The following ST8SIA4 variants were observed in gnomAD, a reference collection of about 807,000 sequenced individuals.
ST8SIA4 encodes CMP-N-acetylneuraminate-poly-alpha-2,8-sialyltransferase.
Under a neutral mutation model 33.9 loss-of-function variants are expected in ST8SIA4, and 15 were observed. The ratio of observed to expected loss-of-function variants is 0.44; its 90% CI spans 0.30 to 0.68. The LOEUF (loss-of-function observed/expected upper bound fraction) is 0.68, where lower values mean the gene tolerates loss of function less well. Among genes scored for constraint, ST8SIA4 ranks in the 30% least tolerant of loss-of-function variants. The pLI is 0.10. For missense variants in ST8SIA4, 321 were observed against 428.0 expected (o/e 0.75, Z 2.21); for synonymous variants, 171 against 151.2 (o/e 1.13, Z -0.96).
At chr5:100,840,194 T>A (rs958328852) in intron 4 of ST8SIA4, among the ~76,000 whole-genome samples, 6 of 151,780 alleles carry the variant, frequency 4.0e-5, no homozygotes, top group African/African-American at 1.4e-4. Context: ...ATAAATTTCC[T>A]TTCACCCTTT....
chr5:100,903,187 T>A lies in ST8SIA4; in HGVS notation c.-232A>T. The A allele has an allele frequency of 1.8e-6, 1 of 545,016 alleles. No homozygotes were observed. Among genetic ancestry groups the A allele is most frequent in the East Asian group, 3.2e-5 (1 of 31,744 alleles). The allele number at this position is 545,016 out of a possible 1,614,324, so 33.8% of individuals were successfully genotyped here. A position where few individuals can be genotyped will look rare whatever the true frequency, so the allele number is the denominator to read the frequency against. ...TTTGCGCCAGCTCTGCCAGGGTCGC[T>A]CCGCGCCGCCTCCCTGGGGCTCAGG... On this transcript the variant is annotated 5_prime_UTR_variant, in exon 1 of 5. Transcript: ENST00000231461.
intron 3 of ST8SIA4, among the ~76,000 whole-genome samples, chr5:100,866,641 A>G (rs971100924): frequency 2.0e-5 from 3 of 152,024 alleles, no homozygotes; most frequent in Admixed American, 6.5e-5. Context: ...GTTTACACAC[A>G]CATATACATA....
intron 3 of ST8SIA4, among the ~76,000 whole-genome samples, chr5:100,872,325 T>G (rs981348485): frequency 6.6e-6 from 1 of 152,092 alleles, no homozygotes; most frequent in Non-Finnish European, 1.5e-5. Context: ...TTTTTTTCAT[T>G]TCTTTCTGGT....
At chr5:100,894,281 C>T (rs538836411) in intron 2 of ST8SIA4, among the ~76,000 whole-genome samples, 40 of 152,158 alleles carry the variant, frequency 2.6e-4, no homozygotes, top group African/African-American at 8.4e-4. Flanking sequence ...TATTTTAAAG[C>T]CTCCTGGTTT....
At chr5:100,866,594 AC>A (rs1752065871) in intron 3 of ST8SIA4, among the ~76,000 whole-genome samples, 1 of 151,802 alleles carries the variant, frequency 6.6e-6, no homozygotes, top group Non-Finnish European at 1.5e-5. Flanking sequence ...ACACACACAC[AC>A]ACACACACAC....
At chr5:100,852,606 C>G (rs186720517) in intron 4 of ST8SIA4, among the ~76,000 whole-genome samples, 2 of 152,258 alleles carry the variant, frequency 1.3e-5, no homozygotes, top group African/African-American at 2.4e-5. Flanking sequence ...TTAGATTACT[C>G]TCTTACTATT....
At chr5:100,871,663 A>G (rs1439493786) in intron 3 of ST8SIA4, among the ~76,000 whole-genome samples, 2 of 152,204 alleles carry the variant, frequency 1.3e-5, no homozygotes, top group African/African-American at 2.4e-5. Flanking sequence ...CCTTTTAGCC[A>G]TGGCTGTTAG....
intron 4 of ST8SIA4, among the ~76,000 whole-genome samples, chr5:100,835,050 G>A (rs1751341275): frequency 6.6e-6 from 1 of 152,052 alleles, no homozygotes; most frequent in Admixed American, 6.5e-5. Context: ...GGGCTGAGAT[G>A]TCTTCCAATT....
chr5:100,829,276 C>T (rs897683469), intron 4 of ST8SIA4, among the ~76,000 whole-genome samples: 9 of 152,270 alleles, frequency 5.9e-5, no homozygotes, highest in African/African-American at 2.2e-4. Flanking sequence ...AGTTATCTAT[C>T]GGTTTGATCA....
At chr5:100,820,649 A>G (rs984174513) in intron 4 of ST8SIA4, among the ~76,000 whole-genome samples, 2 of 152,138 alleles carry the variant, frequency 1.3e-5, no homozygotes, top group African/African-American at 4.8e-5. Flanking sequence ...AAATTAAACA[A>G]AAATAACCAG....
At chr5:100,819,622 G>A (rs925658263) in intron 4 of ST8SIA4, among the ~76,000 whole-genome samples, 4 of 152,172 alleles carry the variant, frequency 2.6e-5, no homozygotes, top group Admixed American at 2.0e-4. Flanking sequence ...AGAAGAGACA[G>A]AAAATATTCC....
At chr5:100,872,980 T>C (rs964489780) in intron 3 of ST8SIA4, among the ~76,000 whole-genome samples, 1 of 151,964 alleles carries the variant, frequency 6.6e-6, no homozygotes, top group Non-Finnish European at 1.5e-5. Flanking sequence ...AAGAATCACC[T>C]GGACACTGTA....
intron 4 of ST8SIA4, among the ~76,000 whole-genome samples, chr5:100,816,931 C>T (rs1022998280): frequency 1.2e-4 from 18 of 148,576 alleles, no homozygotes; most frequent in East Asian, 3.9e-4. Flanking sequence ...AAATAATTGG[C>T]TTTTTTTCTT....
chr5:100,818,472 A>G (rs935572195), intron 4 of ST8SIA4, among the ~76,000 whole-genome samples: 2 of 152,206 alleles, frequency 1.3e-5, no homozygotes, highest in South Asian at 2.1e-4. Flanking sequence ...TACTTTCACT[A>G]TATATTTTAC....
chr5:100,886,237 T>C, intron 3 of ST8SIA4, 106 bp downstream of exon 3: 1 of 1,494,438 alleles, frequency 6.7e-7, no homozygotes, highest in Non-Finnish European at 8.9e-7. Flanking sequence ...TAGACAAATA[T>C]TTGTTTGAGG....
intron 2 of ST8SIA4, among the ~76,000 whole-genome samples, chr5:100,892,437 A>T (rs1481530528): frequency 6.6e-6 from 1 of 152,164 alleles, no homozygotes; most frequent in East Asian, 1.9e-4. Flanking sequence ...CTCAAAGTAC[A>T]GTGAAGTAAC....
rs963454747 is a variant in ST8SIA4, at chr5:100,901,027, C to T, written c.113+1816G>A. ...AGCCCAGCCCGACTAGCTCAACCGC[C>T]GCGCCAGTGCCCGCCTCCTCTTCCT... On this transcript the variant is annotated intron_variant, in intron 1 of 4. Coordinates refer to ENST00000231461, the MANE Select transcript of ST8SIA4 (RefSeq NM_005668.6). Among the ~76,000 whole-genome samples, 6 of 152,234 alleles carry T rather than the reference C, an allele frequency of 3.9e-5. No homozygotes were observed. The South Asian group carries it at 1.0e-3, about 26-fold the overall frequency.
intron 3 of ST8SIA4, among the ~76,000 whole-genome samples, chr5:100,863,522 T>A: frequency 6.6e-6 from 1 of 152,204 alleles, no homozygotes; most frequent in East Asian, 1.9e-4. Flanking sequence ...AGTTTAATTT[T>A]AAAATAAATA....
At chr5:100,868,112 T>C (rs11746550) in intron 3 of ST8SIA4, among the ~76,000 whole-genome samples, 5,050 of 152,146 alleles carry the variant, frequency 0.033, 121 homozygotes, top group Non-Finnish European at 0.05. Flanking sequence ...TATGTTCTTA[T>C]TGATACATTC....
Sources: gnomAD v4.1 joint callset for allele counts (sites outside exome capture counted in the v4.1 genomes callset) on GRCh38, gnomAD v4.1.1 for gene constraint, MANE v1.5 for transcripts, NCBI Gene and HGNC (gene_info 2026-07-23, HGNC 2026-07-21) for gene names.